The following TSHZ2 variants were observed in gnomAD, a reference collection of about 807,000 sequenced individuals.
TSHZ2 encodes teashirt zinc finger homeobox 2, also known as teashirt homolog 2.
TSHZ2 carries 21 observed loss-of-function variants against 74.4 expected under a neutral mutation model. That is an observed-to-expected ratio of 0.28 (90% CI 0.20 to 0.41). TSHZ2 has a LOEUF of 0.41. Ranked by LOEUF, TSHZ2 falls within the 10% of genes least tolerant of loss-of-function variation. The pLI is 1.00. For synonymous variants in TSHZ2, 540 were observed against 515.3 expected, an observed-to-expected ratio of 1.05 and a Z score of -0.65; for missense variants, 1,244 against 1,293.5, an observed-to-expected ratio of 0.96 and a Z score of 0.59.
At chr20:53,471,451 C>T (rs982203118) in intron 2 of TSHZ2, among the ~76,000 whole-genome samples, 3 of 152,244 alleles carry the variant, frequency 2.0e-5, no homozygotes, top group South Asian at 2.1e-4. Flanking sequence ...ATTATATATG[C>T]GATGATGTGC....
At chr20:53,171,356 A>C (rs955651433) in intron 1 of TSHZ2, among the ~76,000 whole-genome samples, 1 of 152,240 alleles carries the variant, frequency 6.6e-6, no homozygotes, top group African/African-American at 2.4e-5. Context: ...GACAGTGTGC[A>C]TTGTTTTATT....
rs551655903 is a variant in TSHZ2 at position 53,114,958 on chromosome 20, C to T, written c.41-138541C>T. ...AGGAAAAAACTTGGGTTGGGTATCA[C>T]GCATTCTTCCTTGCATGTGGGAGTG... On this transcript the variant is annotated intron_variant, in intron 1 of 2. Transcript: ENST00000371497. 3.9e-5 allele frequency among the ~76,000 whole-genome samples: 6 copies of T among 152,270 alleles called. No individual in the cohort carries two copies. In the East Asian group the frequency reaches 5.8e-4, roughly 15 times the overall value.
intron 1 of TSHZ2, among the ~76,000 whole-genome samples, chr20:53,131,652 T>C (rs1323336838): frequency 6.6e-6 from 1 of 152,178 alleles, no homozygotes. Context: ...GAAGTATCTT[T>C]AGGCATCTAG....
At chr20:53,306,915 A>G (rs1452163010) in intron 2 of TSHZ2, among the ~76,000 whole-genome samples, 3 of 152,218 alleles carry the variant, frequency 2.0e-5, no homozygotes, top group Non-Finnish European at 4.4e-5. Context: ...CTACCAAGCA[A>G]TGTGCTAAGC....
chr20:53,097,588 A>C (rs1986090911), intron 1 of TSHZ2: 2 of 152,214 alleles, frequency 1.3e-5, no homozygotes. Context: ...CAGATGGAAA[A>C]TCATTGCTCC....
intron 2 of TSHZ2, among the ~76,000 whole-genome samples, chr20:53,344,646 G>A (rs1980363528): frequency 1.3e-5 from 2 of 152,124 alleles, no homozygotes; most frequent in Admixed American, 1.3e-4. Context: ...GGGAAAAATG[G>A]CACCAGTGAC....
chr20:53,439,592 A>G (rs1335121671), intron 2 of TSHZ2, among the ~76,000 whole-genome samples: 1 of 152,222 alleles, frequency 6.6e-6, no homozygotes, highest in African/African-American at 2.4e-5. Context: ...ATGCTATAGT[A>G]TAGATTCTCA....
At chr20:53,199,480 AG>A (rs1237438929) in intron 1 of TSHZ2, among the ~76,000 whole-genome samples, 4 of 152,222 alleles carry the variant, frequency 2.6e-5, no homozygotes, top group African/African-American at 9.7e-5. Flanking sequence ...TCTCAAAAAA[AG>A]TAAAATAAAA....
intron 1 of TSHZ2, among the ~76,000 whole-genome samples, chr20:53,224,243 A>C (rs1309024155): frequency 6.6e-6 from 1 of 152,246 alleles, no homozygotes; most frequent in Non-Finnish European, 1.5e-5. Flanking sequence ...AACATTAGCC[A>C]GCAAAGAACA....
chr20:53,051,779 G>A (rs964498227), intron 1 of TSHZ2, among the ~76,000 whole-genome samples: 4 of 152,102 alleles, frequency 2.6e-5, no homozygotes, highest in East Asian at 1.9e-4. Context: ...ACGAGTCTCC[G>A]TTTATGTTGC....
At chr20:53,084,864 A>G (rs1407094695) in intron 1 of TSHZ2, among the ~76,000 whole-genome samples, 2 of 152,056 alleles carry the variant, frequency 1.3e-5, no homozygotes, top group Non-Finnish European at 2.9e-5. Context: ...GCTTTTCTGA[A>G]AGCAATTTAC....
intron 2 of TSHZ2, among the ~76,000 whole-genome samples, chr20:53,287,943 A>G (rs962071728): frequency 4.6e-5 from 7 of 152,194 alleles, no homozygotes; most frequent in Admixed American, 4.6e-4. Context: ...TTTATTGGAG[A>G]AGATTAAAGT....
intron 1 of TSHZ2, among the ~76,000 whole-genome samples, chr20:53,113,498 G>A (rs1279782337): frequency 6.6e-6 from 1 of 152,144 alleles, no homozygotes; most frequent in Non-Finnish European, 1.5e-5. Flanking sequence ...TTACCTGATT[G>A]CTACTTGCCG....
intron 1 of TSHZ2, among the ~76,000 whole-genome samples, chr20:52,986,623 G>A (rs902927231): frequency 1.3e-5 from 2 of 151,266 alleles, no homozygotes; most frequent in Non-Finnish European, 2.9e-5. Context: ...CAGCTACTCC[G>A]GAAGCTGAGC....
At position 53,201,631 on chromosome 20, in the gene TSHZ2, C is replaced by T. The variant is rs867056402; in HGVS notation, c.41-51868C>T. On this transcript the variant is annotated intron_variant, in intron 1 of 2. Transcript: ENST00000371497. Reference sequence around the variant, plus strand: ...CATTCACAGGTTCTGGACATTCGGACGTAGACATCTTTGGATGCCATGATC... The same window carrying T: ...CATTCACAGGTTCTGGACATTCGGATGTAGACATCTTTGGATGCCATGATC... 3.3e-5 allele frequency among the ~76,000 whole-genome samples: 5 copies of T among 152,156 alleles called. No homozygotes were observed. In the South Asian group the frequency reaches 6.2e-4, roughly 19 times the overall value.
intron 1 of TSHZ2, among the ~76,000 whole-genome samples, chr20:53,232,603 T>C (rs1389689428): frequency 3.3e-5 from 5 of 152,230 alleles, no homozygotes; most frequent in African/African-American, 1.2e-4. Flanking sequence ...CCAGGTCCTC[T>C]TCATAATCAT....
At chr20:53,398,102 A>G (rs916077196) in intron 2 of TSHZ2, 3 of 152,256 alleles carry the variant, frequency 2.0e-5, no homozygotes, top group African/African-American at 7.2e-5. Flanking sequence ...CACGTTGTGC[A>G]CATGTACCCT....
intron 2 of TSHZ2, among the ~76,000 whole-genome samples, chr20:53,424,784 T>C (rs1983601248): frequency 6.6e-6 from 1 of 152,210 alleles, no homozygotes; most frequent in Non-Finnish European, 1.5e-5. Context: ...GTGCTCTCAT[T>C]GTTCCACTGC....
intron 1 of TSHZ2, among the ~76,000 whole-genome samples, chr20:53,019,783 G>A (rs1181258228): frequency 6.6e-6 from 1 of 152,176 alleles, no homozygotes; most frequent in Admixed American, 6.5e-5. Flanking sequence ...ATGAATCCAT[G>A]AGTTGAGTCC....
Sources: gnomAD v4.1 joint callset for allele counts (sites outside exome capture counted in the v4.1 genomes callset) on GRCh38, gnomAD v4.1.1 for gene constraint, MANE v1.5 for transcripts, NCBI Gene and HGNC (gene_info 2026-07-23, HGNC 2026-07-21) for gene names.